The following EXOC6 variants were observed in gnomAD, a reference collection of about 807,000 sequenced individuals.
EXOC6 encodes exocyst complex component 6, also known as SEC15-like 1.
A neutral mutation model predicts 112.5 loss-of-function variants in EXOC6; 60 were observed. The ratio of observed to expected loss-of-function variants is 0.53; its 90% CI spans 0.43 to 0.66. The LOEUF is 0.66. Ranked by LOEUF, EXOC6 falls within the 30% of genes least tolerant of loss-of-function variation. EXOC6 has a pLI of 0.00. For missense variants in EXOC6, 855 were observed against 957.1 expected, an observed-to-expected ratio of 0.89 and a Z score of 1.41; for synonymous variants, 295 against 308.0, an observed-to-expected ratio of 0.96 and a Z score of 0.44.
upstream of EXOC6, among the ~76,000 whole-genome samples, chr10:92,847,899 T>A (rs1307039647): frequency 2.0e-5 from 3 of 148,628 alleles, no homozygotes; most frequent in African/African-American, 7.3e-5. Context: ...ATCATTTAAT[T>A]TTTTATGTCG....
intron 1 of EXOC6, among the ~76,000 whole-genome samples, chr10:92,870,284 A>G (rs548970808): frequency 6.6e-6 from 1 of 152,072 alleles, no homozygotes; most frequent in African/African-American, 2.4e-5. Context: ...AGGTATTTAT[A>G]TTTTATCATG....
In EXOC6 at chr10:93,036,080, T is replaced by C. The variant is rs115408119; in HGVS notation, c.2170-20844T>C. Among the ~76,000 whole-genome samples, 823 of 152,024 alleles carry C rather than the reference T, an allele frequency of 5.4e-3. 4 individuals carry two copies. Among genetic ancestry groups the C allele is most frequent in the African/African-American group, 0.014 (584 of 41,464 alleles). On this transcript the variant is annotated intron_variant, in intron 20 of 21. Transcript: ENST00000260762. ...TACTAAAAATACAAAACATTAGGCA[T>C]GATGGCGCATGCCTGTAATGTCAGC... is the stretch of plus-strand genomic sequence containing the variant.
chr10:92,927,458 T>A (rs907633439), intron 8 of EXOC6, among the ~76,000 whole-genome samples: 32 of 152,160 alleles, frequency 2.1e-4, no homozygotes, highest in Non-Finnish European at 4.1e-4. Context: ...TAGAGTGAGG[T>A]AGTAAAGATA....
chr10:92,953,874 CTTAG>C (rs1181453048), intron 15 of EXOC6, among the ~76,000 whole-genome samples: 2 of 152,092 alleles, frequency 1.3e-5, no homozygotes, highest in Non-Finnish European at 2.9e-5. Context: ...AAATGGATAA[CTTAG>C]TTATATTAAA....
In EXOC6 at chr10:93,040,581, G is replaced by T. The variant is rs575151859; in HGVS notation, c.2170-16343G>T. On this transcript the variant is annotated intron_variant, in intron 20 of 21. Coordinates refer to ENST00000260762, the MANE Select transcript of EXOC6 (RefSeq NM_019053.6). ...GTTTTCTTAGCCTAAAAACATTTTAGCTATTTCCAATTTCTCTTCCCTCAT... is the reference window on the plus strand; with the variant it reads ...GTTTTCTTAGCCTAAAAACATTTTATCTATTTCCAATTTCTCTTCCCTCAT... Among the ~76,000 whole-genome samples, 4 of 152,308 alleles carry T rather than the reference G, an allele frequency of 2.6e-5. No individual in the cohort carries two copies. The South Asian group carries it at 8.3e-4, about 32-fold the overall frequency.
intron 1 of EXOC6, among the ~76,000 whole-genome samples, chr10:92,884,943 C>CA (rs1001555906): frequency 6.6e-6 from 1 of 151,928 alleles, no homozygotes; most frequent in African/African-American, 2.4e-5. Context: ...AGCATCTTTC[C>CA]AAAAAATTCA....
At chr10:92,872,362 T>A (rs1023978075) in intron 1 of EXOC6, among the ~76,000 whole-genome samples, 1 of 152,142 alleles carries the variant, frequency 6.6e-6, no homozygotes, top group African/African-American at 2.4e-5. Context: ...TAGATCAATC[T>A]GTTTTTATTC....
chr10:92,967,254 A>T (rs1048410082), intron 17 of EXOC6, among the ~76,000 whole-genome samples: 2 of 152,040 alleles, frequency 1.3e-5, no homozygotes, highest in African/African-American at 4.8e-5. Context: ...TTCACTCTGA[A>T]GGTAGTTTCT....
chr10:92,855,858 A>G (rs147873102), intron 1 of EXOC6, among the ~76,000 whole-genome samples: 1 of 149,626 alleles, frequency 6.7e-6, no homozygotes, highest in African/African-American at 2.5e-5. Flanking sequence ...TTTTTTCTCT[A>G]TTGTTTTTGT....
intron 5 of EXOC6, chr10:92,901,752 C>T (rs1475501707): frequency 2.0e-5 from 3 of 149,072 alleles, no homozygotes; most frequent in African/African-American, 7.5e-5. Context: ...AATCTCAGCA[C>T]TTTGGGAGGC....
In EXOC6 at chr10:92,916,171, A is replaced by C. The variant is rs147920325; in HGVS notation, c.819+258A>C. 550 of 293,922 alleles carry C rather than the reference A, an allele frequency of 1.9e-3. 1 individual carries two copies. The highest frequency in any genetic ancestry group is 0.012 in the African/African-American group (524 of 44,104). 18.2% of individuals were successfully genotyped at this position (293,922 alleles called of 1,614,324 possible). A position where few individuals can be genotyped will look rare whatever the true frequency, so the allele number is the denominator to read the frequency against. On this transcript the variant is annotated intron_variant, in intron 7 of 21. Transcript: ENST00000260762. ...ATTTTTTGAAACCATAGCTTACTGC[A>C]TCAGCCCTACAAGGACAGCTAGCCG...
At chr10:93,031,291 C>A (rs1845259742) in intron 20 of EXOC6, among the ~76,000 whole-genome samples, 1 of 151,958 alleles carries the variant, frequency 6.6e-6, no homozygotes, top group Non-Finnish European at 1.5e-5. Context: ...GCACATGAAT[C>A]TTTTTATTAA....
intron 19 of EXOC6, among the ~76,000 whole-genome samples, chr10:93,000,170 A>G (rs1843695971): frequency 6.6e-6 from 1 of 152,222 alleles, no homozygotes; most frequent in African/African-American, 2.4e-5. Flanking sequence ...CATCTTTAGT[A>G]TGGCTTCAAA....
At chr10:92,888,443 C>G (rs1046998131) in intron 1 of EXOC6, among the ~76,000 whole-genome samples, 2 of 152,116 alleles carry the variant, frequency 1.3e-5, no homozygotes, top group African/African-American at 4.8e-5. Context: ...TGGGAAAGAA[C>G]TATTGTTCTC....
intron 1 of EXOC6, among the ~76,000 whole-genome samples, chr10:92,877,920 C>A (rs894870425): frequency 3.3e-5 from 5 of 152,088 alleles, no homozygotes; most frequent in Admixed American, 2.6e-4. Context: ...GCAGATAGTT[C>A]CAGTTATCTG....
chr10:92,827,170 A>AT (rs952196238), intron 1 of EXOC6, among the ~76,000 whole-genome samples: 28 of 151,438 alleles, frequency 1.8e-4, no homozygotes, highest in Non-Finnish European at 2.7e-4. Context: ...CCCACACAGT[A>AT]TTTTTTTTTA....
At position 92,948,386 on chromosome 10, in the gene EXOC6, G is replaced by T. The variant is rs750192077; in HGVS notation, c.1416+7G>T. ...AGATCCAGACCTTGAAAAGGTACAA[G>T]CTAGTTTTTAATTCAAGGATTTTCT... On this transcript the variant is annotated splice_region_variant and intron_variant, in intron 14 of 21. Transcript: ENST00000260762. The T allele has an allele frequency of 7.5e-6, 11 of 1,465,588 alleles. No individual in the cohort carries two copies. Among genetic ancestry groups the T allele is most frequent in the Non-Finnish European group, 8.4e-6 (9 of 1,075,776 alleles). The allele number at this position is 1,465,588 out of a possible 1,614,324, so 90.8% of individuals were successfully genotyped here.
At chr10:92,932,746 C>G (rs934374979) in intron 9 of EXOC6, among the ~76,000 whole-genome samples, 2 of 150,976 alleles carry the variant, frequency 1.3e-5, no homozygotes, top group Admixed American at 1.3e-4. Flanking sequence ...GAATGAATAG[C>G]AAAAAAAGTA....
chr10:93,022,691 A>G (rs1167465327), intron 20 of EXOC6, among the ~76,000 whole-genome samples: 1 of 152,168 alleles, frequency 6.6e-6, no homozygotes, highest in Non-Finnish European at 1.5e-5. Context: ...AAATTAGTTT[A>G]CAAATAGTTA....
Sources: gnomAD v4.1 joint callset for allele counts (sites outside exome capture counted in the v4.1 genomes callset) on GRCh38, gnomAD v4.1.1 for gene constraint, MANE v1.5 for transcripts, NCBI Gene and HGNC (gene_info 2026-07-23, HGNC 2026-07-21) for gene names.